The following KCNIP4 variants were observed in gnomAD, a reference collection of about 807,000 sequenced individuals.
KCNIP4 encodes potassium voltage-gated channel interacting protein 4.
KCNIP4 carries 12 observed loss-of-function variants against 34.0 expected under a neutral mutation model. That is an observed-to-expected ratio of 0.35 (90% CI 0.23 to 0.57). The LOEUF (loss-of-function observed/expected upper bound fraction) is 0.57, where lower values mean the gene tolerates loss of function less well. Among genes scored for constraint, KCNIP4 ranks in the 20% least tolerant of loss-of-function variants. KCNIP4 has a pLI of 0.83. For missense variants in KCNIP4, 238 were observed against 311.7 expected (o/e 0.76, Z 1.78); for synonymous variants, 124 against 102.2 (o/e 1.21, Z -1.29).
At chr4:20,770,874 G>T (rs915674481) in intron 3 of KCNIP4, among the ~76,000 whole-genome samples, 3 of 152,168 alleles carry the variant, frequency 2.0e-5, no homozygotes, top group African/African-American at 7.2e-5. Context: ...GGCAGAGGTT[G>T]CAGTGAGCCG....
intron 1 of KCNIP4, among the ~76,000 whole-genome samples, chr4:21,385,873 T>G (rs1435513196): frequency 6.6e-6 from 1 of 152,154 alleles, no homozygotes; most frequent in Non-Finnish European, 1.5e-5. Flanking sequence ...CACTAAATTA[T>G]GGAACCTAGT....
intron 1 of KCNIP4, among the ~76,000 whole-genome samples, chr4:21,072,437 T>C (rs929447567): frequency 5.3e-5 from 8 of 152,184 alleles, no homozygotes; most frequent in Non-Finnish European, 1.0e-4. Flanking sequence ...TGCATAAATG[T>C]CTTCTTTTCA....
At chr4:21,370,412 A>G (rs527952475) in intron 1 of KCNIP4, among the ~76,000 whole-genome samples, 1 of 146,862 alleles carries the variant, frequency 6.8e-6, no homozygotes, top group African/African-American at 2.7e-5. Context: ...ATTCCTGCCA[A>G]CGTGGACCTT....
chr4:20,821,798 C>A (rs3935492), intron 3 of KCNIP4, among the ~76,000 whole-genome samples: 22,717 of 152,086 alleles, frequency 0.15, 1,888 homozygotes, highest in South Asian at 0.21. Flanking sequence ...CAAATTGCTG[C>A]AAAAGACATT....
At chr4:21,469,113 G>A (rs888291305) in intron 1 of KCNIP4, among the ~76,000 whole-genome samples, 2 of 151,996 alleles carry the variant, frequency 1.3e-5, no homozygotes, top group Non-Finnish European at 2.9e-5. Context: ...CTCCCAGGCT[G>A]GGATGAAGTG....
At chr4:21,943,865 A>T (rs941795567) in intron 1 of KCNIP4, among the ~76,000 whole-genome samples, 1 of 152,132 alleles carries the variant, frequency 6.6e-6, no homozygotes, top group Non-Finnish European at 1.5e-5. Flanking sequence ...TGGAAATTGA[A>T]GGAAGAGACA....
chr4:21,780,195 C>T (rs568335695), intron 1 of KCNIP4, among the ~76,000 whole-genome samples: 2 of 125,638 alleles, frequency 1.6e-5, no homozygotes, highest in South Asian at 4.9e-4. Flanking sequence ...ATTCTGGAAG[C>T]AGGAAATTGT....
intron 1 of KCNIP4, among the ~76,000 whole-genome samples, chr4:21,487,800 A>G (rs4314271): frequency 6.6e-6 from 1 of 152,014 alleles, no homozygotes; most frequent in Admixed American, 6.6e-5. Context: ...CACCTTTGGT[A>G]GTTAGGAGCT....
intron 1 of KCNIP4, among the ~76,000 whole-genome samples, chr4:21,406,078 A>C (rs1022044369): frequency 1.2e-4 from 18 of 151,716 alleles, no homozygotes; most frequent in African/African-American, 3.9e-4. Flanking sequence ...CAGGTGATCC[A>C]CCCGCCTCAG....
intron 1 of KCNIP4, among the ~76,000 whole-genome samples, chr4:21,879,532 C>T (rs1440416311): frequency 3.3e-5 from 5 of 152,122 alleles, no homozygotes; most frequent in Non-Finnish European, 5.9e-5. Flanking sequence ...CTCAATAGAT[C>T]GACTTCATCA....
intron 1 of KCNIP4, among the ~76,000 whole-genome samples, chr4:21,615,670 A>G (rs1416165979): frequency 6.6e-6 from 1 of 152,252 alleles, no homozygotes; most frequent in Non-Finnish European, 1.5e-5. Flanking sequence ...CATCTCTAAA[A>G]TGGAAGCTAT....
intron 1 of KCNIP4, among the ~76,000 whole-genome samples, chr4:21,737,533 T>C (rs1716074774): frequency 6.6e-6 from 1 of 152,160 alleles, no homozygotes; most frequent in Non-Finnish European, 1.5e-5. Context: ...ATAACATCAT[T>C]TATTAACGGC....
intron 1 of KCNIP4, among the ~76,000 whole-genome samples, chr4:21,127,429 A>C (rs1750717178): frequency 6.6e-6 from 1 of 152,122 alleles, no homozygotes; most frequent in African/African-American, 2.4e-5. Flanking sequence ...CATGACTCTG[A>C]TTATTTTTTA....
intron 3 of KCNIP4, among the ~76,000 whole-genome samples, chr4:20,781,492 T>C (rs904792330): frequency 6.6e-6 from 1 of 152,168 alleles, no homozygotes; most frequent in Non-Finnish European, 1.5e-5. Flanking sequence ...GGACGTACAG[T>C]TCCACATGGC....
At chr4:20,987,009 C>T (rs561053383) in intron 1 of KCNIP4, among the ~76,000 whole-genome samples, 2 of 152,206 alleles carry the variant, frequency 1.3e-5, no homozygotes, top group African/African-American at 4.8e-5. Context: ...CACATGCACC[C>T]CCAGCTGTGA....
chr4:21,539,419 A>G (rs1179411087), intron 1 of KCNIP4, among the ~76,000 whole-genome samples: 1 of 152,188 alleles, frequency 6.6e-6, no homozygotes, highest in Non-Finnish European at 1.5e-5. Flanking sequence ...GGAAGGGAGA[A>G]AGGGAGGGTG....
At chr4:21,562,433 C>G (rs1020205619) in intron 1 of KCNIP4, among the ~76,000 whole-genome samples, 1 of 151,884 alleles carries the variant, frequency 6.6e-6, no homozygotes, top group African/African-American at 2.4e-5. Flanking sequence ...CTAAATGGTC[C>G]CTTCACCTCT....
chr4:21,214,164 T>C (rs907539769), intron 1 of KCNIP4, among the ~76,000 whole-genome samples: 1 of 152,210 alleles, frequency 6.6e-6, no homozygotes, highest in African/African-American at 2.4e-5. Context: ...TTATTTGATG[T>C]TAATATACCA....
chr4:21,239,362 A>G (rs928956221), intron 1 of KCNIP4, among the ~76,000 whole-genome samples: 20 of 151,522 alleles, frequency 1.3e-4, no homozygotes, highest in African/African-American at 4.9e-4. Flanking sequence ...AACAAAAGCC[A>G]AAATTGACAA....
Sources: gnomAD v4.1 joint callset for allele counts (sites outside exome capture counted in the v4.1 genomes callset) on GRCh38, gnomAD v4.1.1 for gene constraint, MANE v1.5 for transcripts, NCBI Gene and HGNC (gene_info 2026-07-23, HGNC 2026-07-21) for gene names.